Variants in DARS2 observed in about 807,000 individuals in gnomAD.
DARS2 encodes aspartate--tRNA ligase, mitochondrial.
DARS2 carries 63 observed loss-of-function variants against 83.0 expected under a neutral mutation model. The observed-to-expected ratio is 0.76, with a 90% CI of 0.62 to 0.94. The LOEUF (loss-of-function observed/expected upper bound fraction) is 0.94. Among genes scored for constraint, DARS2 ranks in the 40% least tolerant of loss-of-function variants. The probability of loss-of-function intolerance (pLI) is 0.00; values close to 1 mark genes in which losing one functional copy is unlikely to be tolerated. For synonymous variants in DARS2, 250 were observed against 269.3 expected, an observed-to-expected ratio of 0.93 and a Z score of 0.70; for missense variants, 675 against 774.4, an observed-to-expected ratio of 0.87 and a Z score of 1.52.
chr1:173,845,040 C>A (rs557582514), intron 11 of DARS2, among the ~76,000 whole-genome samples, 189 bp from the exon 12 acceptor site: 77 of 152,110 alleles, frequency 5.1e-4, no homozygotes, highest in African/African-American at 1.8e-3. Flanking sequence ...AGCAGTCCAC[C>A]CGCCTCAGCC....
intron 15 of DARS2, among the ~76,000 whole-genome samples, chr1:173,854,238 A>G (rs1012825634): frequency 2.0e-5 from 3 of 152,056 alleles, no homozygotes; most frequent in African/African-American, 7.2e-5. Context: ...CGGCCTCCCA[A>G]AGTGCTGGGA....
chr1:173,825,471 ATTATTATTATTATTT>A lies in DARS2; in HGVS notation c.127+116_127+130del, dbSNP rs1230123356. On this transcript the variant is annotated intron_variant, in intron 1 of 16. Coordinates refer to ENST00000649689, the MANE Select transcript of DARS2 (RefSeq NM_018122.5). ...CCCCATTATTATTATTATTATTATT[ATTATTATTATTATTT>A]GAGACGGAGTCTCGCTCTGCTGCCC... The A allele has an allele frequency of 1.3e-5, 9 of 694,102 alleles. 2 individuals are homozygous for A. The highest frequency in any genetic ancestry group is 1.8e-5 in the Non-Finnish European group (9 of 510,570). The allele number at this position is 694,102 out of a possible 1,614,324, so 43.0% of individuals were successfully genotyped here.
chr1:173,840,001 C>G (rs1653147423), intron 10 of DARS2, among the ~76,000 whole-genome samples: 1 of 152,076 alleles, frequency 6.6e-6, no homozygotes, highest in East Asian at 1.9e-4. Flanking sequence ...CATTACCAGG[C>G]CTCTACTTGT....
At chr1:173,851,792 T>G (rs748868344) in intron 13 of DARS2, 23 of 978,512 alleles carry the variant, frequency 2.4e-5, no homozygotes, top group Non-Finnish European at 2.3e-5. Flanking sequence ...CATCAAGTTC[T>G]TTCTTCTAAT....
intron 12 of DARS2, among the ~76,000 whole-genome samples, chr1:173,849,218 T>A (rs1653554190): frequency 6.6e-6 from 1 of 151,216 alleles, no homozygotes; most frequent in South Asian, 2.1e-4. Context: ...TATCTGTACA[T>A]ATTCAAGAAA....
Position 173,840,968 on chromosome 1 carries a change from G to A in DARS2, c.1123G>A (p.Gly375Arg). 6.3e-7 allele frequency: 1 copy of A among 1,577,064 alleles called. No homozygotes were observed. The highest frequency in any genetic ancestry group is 8.7e-7 in the Non-Finnish European group (1 of 1,146,290). ...GTVKAICIPE[G>R]AKYLKRKDIE... ...TGTGAAAGCCATATGTATCCCTGAA[G>A]GAGCAGTAAGTGAAGTACAGTTCTA... The change falls in exon 11 of 17, where the codon GGA (glycine) becomes AGA (arginine). Residue 375 changes from glycine (G) to arginine (R), a missense_variant. Coordinates refer to ENST00000649689, the MANE Select transcript of DARS2 (RefSeq NM_018122.5).
At chr1:173,831,342 T>C (rs984391157) in intron 4 of DARS2, among the ~76,000 whole-genome samples, 193 bp from the exon 5 acceptor site, 2 of 152,182 alleles carry the variant, frequency 1.3e-5, no homozygotes, top group Non-Finnish European at 2.9e-5. Context: ...ATGACATTTG[T>C]TGATATCTGA....
At chr1:173,832,684 G>A (rs1018390915) in intron 5 of DARS2, among the ~76,000 whole-genome samples, 2 of 150,448 alleles carry the variant, frequency 1.3e-5, no homozygotes, top group African/African-American at 4.9e-5. Context: ...CAGGAGAATC[G>A]CTTGAACCCG....
chr1:173,830,580 T>C, intron 3 of DARS2, 80 bp from the exon 4 acceptor site: 1 of 1,205,098 alleles, frequency 8.3e-7, no homozygotes, highest in Non-Finnish European at 1.2e-6. Context: ...TTAACGTTTT[T>C]TAAACCATCT....
At chr1:173,846,629 CA>C (rs919213528) in intron 12 of DARS2, among the ~76,000 whole-genome samples, 20 of 151,048 alleles carry the variant, frequency 1.3e-4, no homozygotes, top group African/African-American at 4.6e-4. Context: ...CTCGTCTCTA[CA>C]AAAAACAGAA....
chr1:173,844,669 CAAAAAAAAAAAAAAAAA>C (rs549839808), intron 11 of DARS2, among the ~76,000 whole-genome samples: 19 of 29,932 alleles, frequency 6.3e-4, no homozygotes, highest in Admixed American at 1.7e-3. Context: ...GACTCCATCG[CAAAAAAAAAAAAAAAAA>C]AAAAAAAAAA....
chr1:173,850,214 C>T, intron 12 of DARS2, 113 bp from the exon 13 acceptor site: 1 of 1,213,996 alleles, frequency 8.2e-7, no homozygotes, highest in Non-Finnish European at 1.1e-6. Context: ...GAGACAATCT[C>T]TTTTAAATTC....
chr1:173,829,276 A>C (rs1244719130), intron 3 of DARS2, among the ~76,000 whole-genome samples: 1 of 151,798 alleles, frequency 6.6e-6, no homozygotes, highest in Non-Finnish European at 1.5e-5. Flanking sequence ...AGGATACCTA[A>C]GTATCTGGTA....
In DARS2 at chr1:173,850,590, C is replaced by G. The variant is rs1457919230; in HGVS notation, c.1344+111C>G. 4.3e-6 allele frequency: 5 copies of G among 1,157,406 alleles called. No homozygotes were observed. In the South Asian group the frequency reaches 7.1e-5, roughly 16 times the overall value. 71.7% of individuals were successfully genotyped at this position (1,157,406 alleles called of 1,614,324 possible). A position where few individuals can be genotyped will look rare whatever the true frequency, so the allele number is the denominator to read the frequency against. The stretch of plus-strand genomic sequence containing the variant: ...TAGACTGTTAATTCATAAAATGGAG[C>G]TGCTCTGCATAAATCTTTTTTTTTT... On this transcript the variant is annotated intron_variant, in intron 13 of 16. Transcript: ENST00000649689.
intron 7 of DARS2, among the ~76,000 whole-genome samples, chr1:173,835,497 G>A (rs1157263994): frequency 1.3e-5 from 2 of 151,112 alleles, no homozygotes; most frequent in Non-Finnish European, 3.0e-5. Context: ...TTGATCCCAG[G>A]AGTTCAAGAC....
At chr1:173,846,683 C>A (rs954636200) in intron 12 of DARS2, among the ~76,000 whole-genome samples, 2 of 150,928 alleles carry the variant, frequency 1.3e-5, no homozygotes, top group Non-Finnish European at 2.9e-5. Context: ...GTCATCCCAA[C>A]TACTTGAGAG....
In DARS2 at chr1:173,852,749, C is replaced by T. The variant is rs567466236; in HGVS notation, c.1345-600C>T. 2.0e-5 allele frequency among the ~76,000 whole-genome samples: 3 copies of T among 152,190 alleles called. No homozygotes were observed. The East Asian group carries it at 5.8e-4, about 29-fold the overall frequency. On this transcript the variant is annotated intron_variant, in intron 13 of 16. Coordinates refer to ENST00000649689, the MANE Select transcript of DARS2 (RefSeq NM_018122.5). ...AGAACCCCTGACCTTGTGATCCGCC[C>T]GCCTCGGCCTCCCAAAGTGCTGGGA...
rs763360708 is a variant in DARS2, at chr1:173,831,513, CCCTT to C, written c.397-16_397-13del. 40 of 1,563,246 alleles carry C rather than the reference CCCTT, an allele frequency of 2.6e-5. No individual in the cohort carries two copies. The African/African-American group carries it at 3.9e-4, about 15-fold the overall frequency. On this transcript the variant is annotated intron_variant, in intron 4 of 16. Transcript: ENST00000649689. ...ATATCCTGATGAGTAATTTTTAAAA[CCCTT>C]CCTTCTCACTCTCCAAGAAAATGCC...
At chr1:173,832,364 T>C (rs886463573) in intron 5 of DARS2, among the ~76,000 whole-genome samples, 3 of 152,182 alleles carry the variant, frequency 2.0e-5, no homozygotes, top group Non-Finnish European at 2.9e-5. Flanking sequence ...GTTGACCTTA[T>C]TTTGAAAAAG....
Sources: allele counts gnomAD v4.1 joint callset (sites outside exome capture counted in the v4.1 genomes callset), GRCh38; gene constraint gnomAD v4.1.1; transcripts MANE v1.5; gene names NCBI Gene and HGNC (gene_info 2026-07-23, HGNC 2026-07-21).